CTNNA3: variants seen among roughly 807,000 people sequenced by gnomAD.
CTNNA3 encodes catenin alpha-3.
CTNNA3 carries 76 observed loss-of-function variants against 95.7 expected under a neutral mutation model. The observed-to-expected ratio is 0.79, with a 90% CI of 0.66 to 0.96. The LOEUF (loss-of-function observed/expected upper bound fraction) is 0.96, where lower values mean the gene tolerates loss of function less well. CTNNA3 is among the 40% of genes least tolerant of loss of function. The pLI is 0.00. For missense variants in CTNNA3, 1,191 were observed against 1,089.8 expected (o/e 1.09, Z -1.31); for synonymous variants, 431 against 374.4 (o/e 1.15, Z -1.74).
At chr10:66,741,912 G>A (rs1028313347) in intron 9 of CTNNA3, among the ~76,000 whole-genome samples, 2 of 152,120 alleles carry the variant, frequency 1.3e-5, no homozygotes, top group African/African-American at 4.8e-5. Context: ...TGAGGAGGAT[G>A]TATGTCGCCT....
Position 66,781,629 on chromosome 10 carries a change from A to G in CTNNA3, c.1048-6105T>C, listed in dbSNP as rs375798132. 2.6e-5 allele frequency among the ~76,000 whole-genome samples: 4 copies of G among 152,216 alleles called. No homozygotes were observed. The East Asian group carries it at 7.7e-4, about 29-fold the overall frequency. On this transcript the variant is annotated intron_variant, in intron 7 of 17. Coordinates refer to ENST00000433211, the MANE Select transcript of CTNNA3 (RefSeq NM_013266.4). ...GAAATGAGGTTTTTAAAAATTAACC[A>G]TATAAGAATAGAATGATTTAGCTAA... is the stretch of plus-strand genomic sequence containing the variant.
chr10:66,014,302 T>C (rs1003191726), intron 15 of CTNNA3, among the ~76,000 whole-genome samples: 1 of 152,054 alleles, frequency 6.6e-6, no homozygotes, highest in Non-Finnish European at 1.5e-5. Flanking sequence ...CAAGAAGCAA[T>C]TTGGTGGCCT....
intron 7 of CTNNA3, among the ~76,000 whole-genome samples, chr10:67,059,078 T>G (rs1295486571): frequency 6.6e-6 from 1 of 152,194 alleles, no homozygotes; most frequent in Admixed American, 6.5e-5. Context: ...CACACACAAA[T>G]GAGTCCACTT....
chr10:66,985,808 A>G (rs982098273), intron 7 of CTNNA3, among the ~76,000 whole-genome samples: 1 of 152,074 alleles, frequency 6.6e-6, no homozygotes, highest in African/African-American at 2.4e-5. Flanking sequence ...GGTCACTGCA[A>G]TCTTCACCTC....
chr10:66,897,049 A>G (rs1317955234), intron 7 of CTNNA3, among the ~76,000 whole-genome samples: 1 of 152,158 alleles, frequency 6.6e-6, no homozygotes, highest in African/African-American at 2.4e-5. Context: ...ACTTTTATTG[A>G]GTTCTCAGCA....
At chr10:66,249,372 C>T (rs1161618770) in intron 13 of CTNNA3, among the ~76,000 whole-genome samples, 1 of 152,002 alleles carries the variant, frequency 6.6e-6, no homozygotes, top group Non-Finnish European at 1.5e-5. Flanking sequence ...CAAACTACCC[C>T]CCTGAGAAAG....
chr10:67,425,399 GAAGA>G (rs1002551830), intron 5 of CTNNA3, among the ~76,000 whole-genome samples: 82 of 152,130 alleles, frequency 5.4e-4, no homozygotes, highest in African/African-American at 2.0e-3. Flanking sequence ...TGACAGGAAG[GAAGA>G]AAGTTTCAAA....
At chr10:66,976,596 G>T (rs901131793) in intron 7 of CTNNA3, among the ~76,000 whole-genome samples, 8 of 152,052 alleles carry the variant, frequency 5.3e-5, no homozygotes, top group African/African-American at 1.7e-4. Context: ...AAGAAAAATG[G>T]TCATATTCCC....
At chr10:67,537,405 A>C (rs939954355) in intron 4 of CTNNA3, among the ~76,000 whole-genome samples, 4 of 152,216 alleles carry the variant, frequency 2.6e-5, no homozygotes, top group Admixed American at 6.5e-5. Flanking sequence ...AATTAAAAGA[A>C]ATAATCCAGC....
At chr10:66,093,912 T>C (rs1185538269) in intron 14 of CTNNA3, among the ~76,000 whole-genome samples, 1 of 152,132 alleles carries the variant, frequency 6.6e-6, no homozygotes, top group African/African-American at 2.4e-5. Flanking sequence ...ATCTCCTCTG[T>C]ACTAAGTAGT....
chr10:65,929,082 G>A (rs891908610), intron 17 of CTNNA3, among the ~76,000 whole-genome samples: 3 of 145,104 alleles, frequency 2.1e-5, no homozygotes, highest in African/African-American at 5.2e-5. Context: ...GTGTCCATGT[G>A]TTCTCATTGT....
chr10:67,284,878 T>C (rs553028685), intron 5 of CTNNA3, among the ~76,000 whole-genome samples: 1 of 152,288 alleles, frequency 6.6e-6, no homozygotes, highest in Non-Finnish European at 1.5e-5. Context: ...AAGTCTAAGC[T>C]ATGTGAGGAA....
At chr10:66,537,912 T>C (rs1841716700) in intron 10 of CTNNA3, among the ~76,000 whole-genome samples, 1 of 152,122 alleles carries the variant, frequency 6.6e-6, no homozygotes, top group South Asian at 2.1e-4. Flanking sequence ...CTTTAAGAAC[T>C]TTTACTATAT....
chr10:66,522,063 A>ATTGGTT (rs1410306763), intron 10 of CTNNA3, among the ~76,000 whole-genome samples: 1 of 152,084 alleles, frequency 6.6e-6, no homozygotes, highest in Non-Finnish European at 1.5e-5. Flanking sequence ...GCTATTAATC[A>ATTGGTT]TTGGTTTCCT....
chr10:65,983,862 G>A (rs1303335491), intron 16 of CTNNA3, among the ~76,000 whole-genome samples: 1 of 151,104 alleles, frequency 6.6e-6, no homozygotes, highest in Non-Finnish European at 1.5e-5. Flanking sequence ...TCTCAAGGAA[G>A]CAATGAAGGA....
intron 3 of CTNNA3, among the ~76,000 whole-genome samples, chr10:67,569,406 T>C (rs1291571227): frequency 6.6e-6 from 1 of 152,126 alleles, no homozygotes; most frequent in Non-Finnish European, 1.5e-5. Context: ...CTGTAAGCTG[T>C]GTACCATTTA....
At chr10:66,135,166 T>G (rs1260452295) in intron 13 of CTNNA3, among the ~76,000 whole-genome samples, 2 of 152,188 alleles carry the variant, frequency 1.3e-5, no homozygotes, top group African/African-American at 2.4e-5. Flanking sequence ...AGTAAAAGAA[T>G]GACACCTCAA....
In CTNNA3 at chr10:66,928,460, C is replaced by G. The variant is rs778232024; in HGVS notation, c.1048-152936G>C. On this transcript the variant is annotated intron_variant, in intron 7 of 17. Transcript: ENST00000433211. Reference sequence around the variant, plus strand: ...GGCTCCAGGGAGTGTGAGGTATGAACCATTGTGATAAAAAGAGCTCTTAAA... The same window carrying G: ...GGCTCCAGGGAGTGTGAGGTATGAAGCATTGTGATAAAAAGAGCTCTTAAA... The G allele has an allele frequency of 3.2e-6, 5 of 1,581,248 alleles. No homozygotes were observed. The East Asian group carries it at 1.1e-4, about 35-fold the overall frequency.
chr10:66,651,868 G>A (rs910858480), intron 9 of CTNNA3, among the ~76,000 whole-genome samples: 15 of 151,872 alleles, frequency 9.9e-5, no homozygotes, highest in African/African-American at 3.4e-4. Flanking sequence ...TCCTGCCTCG[G>A]CCAGCCCAGA....
Sources: allele counts gnomAD v4.1 joint callset (sites outside exome capture counted in the v4.1 genomes callset), GRCh38; gene constraint gnomAD v4.1.1; transcripts MANE v1.5; gene names NCBI Gene and HGNC (gene_info 2026-07-23, HGNC 2026-07-21).